Variants in GPC5 observed in about 807,000 individuals in gnomAD.
GPC5 encodes glypican 5.
In GPC5, 47 loss-of-function variants were observed where a neutral mutation model predicts 53.9. The observed-to-expected ratio is 0.87, with a 90% CI of 0.69 to 1.11. The LOEUF (loss-of-function observed/expected upper bound fraction) is 1.11. Ranked by LOEUF, GPC5 falls within the 50% of genes most tolerant of loss-of-function variation. GPC5 has a pLI of 0.00. For missense variants in GPC5, 748 were observed against 713.1 expected (o/e 1.05, Z -0.56); for synonymous variants, 286 against 263.3 (o/e 1.09, Z -0.84).
intron 6 of GPC5, among the ~76,000 whole-genome samples, chr13:92,086,280 T>C (rs2041335476): frequency 6.6e-6 from 1 of 152,218 alleles, no homozygotes; most frequent in South Asian, 2.1e-4. Context: ...ACATCTTCAT[T>C]TTTAAGGAAA....
At chr13:92,677,993 A>C (rs1473823770) in intron 7 of GPC5, among the ~76,000 whole-genome samples, 1 of 152,244 alleles carries the variant, frequency 6.6e-6, no homozygotes, top group Non-Finnish European at 1.5e-5. Flanking sequence ...TTAACATAAG[A>C]GGAACAAGTT....
chr13:91,566,479 C>A (rs2138958476), intron 2 of GPC5, among the ~76,000 whole-genome samples: 1 of 152,232 alleles, frequency 6.6e-6, no homozygotes, highest in Middle Eastern at 3.4e-3. Flanking sequence ...AGGGGAATCA[C>A]TTGAACCCAG....
At chr13:92,779,918 C>T (rs1260580549) in intron 7 of GPC5, among the ~76,000 whole-genome samples, 1 of 152,036 alleles carries the variant, frequency 6.6e-6, no homozygotes, top group Non-Finnish European at 1.5e-5. Flanking sequence ...AGCTTAATTT[C>T]TTTACAGAGG....
At chr13:91,515,430 T>G (rs755477179) in intron 2 of GPC5, among the ~76,000 whole-genome samples, 2 of 152,206 alleles carry the variant, frequency 1.3e-5, no homozygotes, top group African/African-American at 4.8e-5. Flanking sequence ...CCTCTTGAGA[T>G]GACATTCAGT....
chr13:92,745,367 G>A (rs890846762), intron 7 of GPC5, among the ~76,000 whole-genome samples: 1 of 152,072 alleles, frequency 6.6e-6, no homozygotes, highest in Admixed American at 6.6e-5. Context: ...TTTTGAAAAT[G>A]TTACATCACA....
At chr13:92,462,504 A>G (rs1348452552) in intron 7 of GPC5, among the ~76,000 whole-genome samples, 1 of 152,090 alleles carries the variant, frequency 6.6e-6, no homozygotes, top group Admixed American at 6.6e-5. Flanking sequence ...TTTTTCTTGA[A>G]GAAGAGCAAT....
intron 6 of GPC5, among the ~76,000 whole-genome samples, chr13:92,074,977 T>C (rs1008398956): frequency 6.6e-6 from 1 of 152,218 alleles, no homozygotes; most frequent in Non-Finnish European, 1.5e-5. Context: ...TGCTTTGTAT[T>C]GTATTGTACT....
chr13:92,338,256 T>C (rs557412744), intron 7 of GPC5, among the ~76,000 whole-genome samples: 1 of 152,198 alleles, frequency 6.6e-6, no homozygotes, highest in Admixed American at 6.6e-5. Context: ...AATATATACG[T>C]ATTAGAATGG....
chr13:92,777,659 T>C (rs1002725158), intron 7 of GPC5, among the ~76,000 whole-genome samples: 1 of 152,182 alleles, frequency 6.6e-6, no homozygotes, highest in African/African-American at 2.4e-5. Context: ...TTACCTCAAC[T>C]TTTCAATTTG....
intron 7 of GPC5, among the ~76,000 whole-genome samples, chr13:92,391,553 G>T: frequency 6.6e-6 from 1 of 152,188 alleles, no homozygotes; most frequent in South Asian, 2.1e-4. Flanking sequence ...AAGTATAATG[G>T]AATATTCCAA....
At chr13:92,768,911 G>C (rs1430192495) in intron 7 of GPC5, among the ~76,000 whole-genome samples, 1 of 151,896 alleles carries the variant, frequency 6.6e-6, no homozygotes, top group Non-Finnish European at 1.5e-5. Context: ...CTCCAACGTC[G>C]AGGATATGTG....
At position 92,204,847 on chromosome 13, in the gene GPC5, T is replaced by G. The variant is rs7321171; in HGVS notation, c.1561+59858T>G. ...GGAAGCTCATAGGAGCATTGAGACCTAGAGGTTTTTTTGTTTGTTTTTTGG... is the reference window on the plus strand; with the variant it reads ...GGAAGCTCATAGGAGCATTGAGACCGAGAGGTTTTTTTGTTTGTTTTTTGG... On this transcript the variant is annotated intron_variant, in intron 7 of 7. Coordinates refer to ENST00000377067, the MANE Select transcript of GPC5 (RefSeq NM_004466.6). 8.1e-3 allele frequency among the ~76,000 whole-genome samples: 1,236 copies of G among 152,232 alleles called. 23 individuals are homozygous for G. Among genetic ancestry groups the G allele is most frequent in the African/African-American group, 0.028 (1,157 of 41,546 alleles).
chr13:91,753,972 A>T (rs548968396), intron 4 of GPC5, among the ~76,000 whole-genome samples: 1 of 152,138 alleles, frequency 6.6e-6, no homozygotes, highest in Non-Finnish European at 1.5e-5. Context: ...CCAATAAAAA[A>T]CTTAGTACTC....
intron 7 of GPC5, among the ~76,000 whole-genome samples, chr13:92,416,766 T>C (rs900869006): frequency 6.6e-6 from 1 of 152,124 alleles, no homozygotes; most frequent in Non-Finnish European, 1.5e-5. Flanking sequence ...AAGGATACCA[T>C]CAAGAGTGAA....
chr13:92,027,585 A>C (rs2040810259), intron 6 of GPC5, among the ~76,000 whole-genome samples: 1 of 152,192 alleles, frequency 6.6e-6, no homozygotes, highest in Non-Finnish European at 1.5e-5. Context: ...ATGTCTCTGT[A>C]AGTCTCTGGG....
At chr13:92,500,238 G>A (rs1193134467) in intron 7 of GPC5, among the ~76,000 whole-genome samples, 1 of 152,108 alleles carries the variant, frequency 6.6e-6, no homozygotes, top group African/African-American at 2.4e-5. Context: ...ATAACGTACA[G>A]TGACACAGAT....
chr13:91,964,089 G>C (rs759269238), intron 6 of GPC5, among the ~76,000 whole-genome samples: 1 of 152,148 alleles, frequency 6.6e-6, no homozygotes, highest in Non-Finnish European at 1.5e-5. Flanking sequence ...TGTGTCCAGA[G>C]TTTTTTCCTT....
chr13:92,022,069 G>A (rs569972244), intron 6 of GPC5, among the ~76,000 whole-genome samples: 7 of 151,886 alleles, frequency 4.6e-5, no homozygotes, highest in Non-Finnish European at 8.8e-5. Flanking sequence ...GTATGATCTC[G>A]GTTCACTGCA....
chr13:92,670,714 A>T (rs533880239), intron 7 of GPC5, among the ~76,000 whole-genome samples: 6 of 152,274 alleles, frequency 3.9e-5, no homozygotes, highest in African/African-American at 1.2e-4. Flanking sequence ...ATTTAAGAAG[A>T]TATCAGCCTG....
Sources: allele counts gnomAD v4.1 joint callset (sites outside exome capture counted in the v4.1 genomes callset), GRCh38; gene constraint gnomAD v4.1.1; transcripts MANE v1.5; gene names NCBI Gene and HGNC (gene_info 2026-07-23, HGNC 2026-07-21).